Variants in KIAA1217 observed in about 807,000 individuals in gnomAD.
KIAA1217 encodes KIAA1217.
A neutral mutation model predicts 163.9 loss-of-function variants in KIAA1217; 88 were observed. That is an observed-to-expected ratio of 0.54 (90% CI 0.45 to 0.64). The LOEUF (loss-of-function observed/expected upper bound fraction) is 0.64. Ranked by LOEUF, KIAA1217 falls within the 30% of genes least tolerant of loss-of-function variation. The probability of loss-of-function intolerance (pLI) is 0.00; values close to 1 mark genes in which losing one functional copy is unlikely to be tolerated. For missense variants in KIAA1217, 2,372 were observed against 2,475.0 expected (o/e 0.96, Z 0.88); for synonymous variants, 903 against 923.1 (o/e 0.98, Z 0.39).
At chr10:23,824,658 A>AAAATATATAT (rs1837805755) in intron 1 of KIAA1217, among the ~76,000 whole-genome samples, 2 of 53,040 alleles carry the variant, frequency 3.8e-5, no homozygotes, top group Non-Finnish European at 7.1e-5. Flanking sequence ...AAATAAAAAA[A>AAAATATATAT]ATATATATAT....
In KIAA1217 at chr10:24,209,252, G is replaced by C. The variant is rs2067761081; in HGVS notation, c.59G>C (p.Arg20Thr). 2 of 1,613,144 alleles carry C rather than the reference G, an allele frequency of 1.2e-6. No homozygotes were observed. The highest frequency in any genetic ancestry group is 2.2e-5 in the South Asian group (2 of 91,062). ...TGCCTTCCTTACTCAGCAGACAGAAGACAGATGCAGGGTAAGTAACAGACC... is the reference window on the plus strand; with the variant it reads ...TGCCTTCCTTACTCAGCAGACAGAACACAGATGCAGGGTAAGTAACAGACC... Reference protein sequence around the residue: ...EPCLPYSADRRQMQEQGKGNL... With the variant: ...EPCLPYSADRTQMQEQGKGNL... Residue 20 changes from arginine (R) to threonine (T), a missense_variant, in exon 1 of 21, where the codon AGA becomes ACA. By Grantham distance (71) the Arg-to-Thr change is moderately conservative. Around this residue, in one of 3 missense-constraint regions of KIAA1217, gnomAD observed 1,431 missense variants for 1,470.3 expected, o/e 0.97. Transcript: ENST00000376454.
At chr10:23,775,523 C>T (rs771992812) in intron 1 of KIAA1217, among the ~76,000 whole-genome samples, 1 of 152,138 alleles carries the variant, frequency 6.6e-6, no homozygotes, top group Non-Finnish European at 1.5e-5. Flanking sequence ...GAGGTCAGGG[C>T]TGTGCCTGGA....
chr10:23,810,259 A>G lies in KIAA1217; in HGVS notation c.-321+115025A>G, dbSNP rs185686276. 5.5e-4 allele frequency among the ~76,000 whole-genome samples: 82 copies of G among 150,112 alleles called. 1 individual carries two copies. Among genetic ancestry groups the G allele is most frequent in the Middle Eastern group, 7.1e-3 (2 of 282 alleles). The stretch of plus-strand genomic sequence containing the variant: ...CTACCTACCTACCCTCTTTCTGACT[A>G]CCTACCTGTCTATCTGTATATATAT... On this transcript the variant is annotated intron_variant, in intron 1 of 18. Transcript: ENST00000376462.
intron 1 of KIAA1217, among the ~76,000 whole-genome samples, chr10:23,921,572 A>G (rs915554104): frequency 3.3e-5 from 5 of 152,144 alleles, no homozygotes; most frequent in African/African-American, 1.2e-4. Context: ...TGAGAATCCA[A>G]TCAGTAGAAG....
At chr10:24,456,632 C>T (rs180893357) in intron 5 of KIAA1217, among the ~76,000 whole-genome samples, 4 of 152,048 alleles carry the variant, frequency 2.6e-5, no homozygotes, top group African/African-American at 4.8e-5. Flanking sequence ...ATCCAGTGCT[C>T]GATCCACCAC....
At chr10:24,147,832 C>CAAAAAAAAAAAAAAAAAAAAAAAAAA (rs1176106711) in intron 2 of KIAA1217, among the ~76,000 whole-genome samples, 22 of 20,774 alleles carry the variant, frequency 1.1e-3, no homozygotes, top group Non-Finnish European at 1.4e-3. Flanking sequence ...TACTCTGTCT[C>CAAAAAAAAAAAAAAAAAAAAAAAAAA]AAAAAAAAAA....
At chr10:24,282,185 T>C (rs1010666409) in intron 2 of KIAA1217, among the ~76,000 whole-genome samples, 1 of 144,392 alleles carries the variant, frequency 6.9e-6, no homozygotes, top group Admixed American at 7.2e-5. Flanking sequence ...CTGGGCAACA[T>C]AGAGACCTCA....
chr10:24,352,100 T>C (rs1414463640), intron 2 of KIAA1217, among the ~76,000 whole-genome samples: 1 of 152,258 alleles, frequency 6.6e-6, no homozygotes, highest in Non-Finnish European at 1.5e-5. Context: ...GTGGCACTCT[T>C]CACACCCAAG....
chr10:24,324,232 C>T (rs905045032), intron 2 of KIAA1217, among the ~76,000 whole-genome samples: 1 of 152,004 alleles, frequency 6.6e-6, no homozygotes, highest in Non-Finnish European at 1.5e-5. Flanking sequence ...CACACCACTG[C>T]ACTCCAGCCT....
rs566139145 is a variant in KIAA1217 at position 24,546,966 on chromosome 10, A to T, written c.*642A>T. On this transcript the variant is annotated 3_prime_UTR_variant, in exon 21 of 21. Transcript: ENST00000376454. ...GTGTAGAAGGCAATTTATCAAACCT[A>T]TTGCACTGCCATGAAAAGTGTGTAT... 6.6e-6 allele frequency: 1 copy of T among 152,096 alleles called. No individual in the cohort carries two copies. The highest frequency in any genetic ancestry group is 6.6e-5 in the Admixed American group (1 of 15,202). The allele number at this position is 152,096 out of a possible 1,614,324, so 9.4% of individuals were successfully genotyped here.
intron 1 of KIAA1217, among the ~76,000 whole-genome samples, chr10:23,991,762 A>G (rs1458109756): frequency 6.6e-6 from 1 of 152,184 alleles, no homozygotes; most frequent in African/African-American, 2.4e-5. Context: ...AGGGAAGGCG[A>G]TAACATGCAC....
chr10:24,120,125 G>C (rs1436835220), intron 2 of KIAA1217, among the ~76,000 whole-genome samples: 1 of 152,150 alleles, frequency 6.6e-6, no homozygotes, highest in African/African-American at 2.4e-5. Flanking sequence ...TAGCCCTTCA[G>C]TTAAAGATCA....
rs981895293 is a variant in KIAA1217, at chr10:23,945,086, A to G, written c.-320-62139A>G. Among the ~76,000 whole-genome samples, 13 of 151,562 alleles carry G rather than the reference A, an allele frequency of 8.6e-5. No homozygotes were observed. In the East Asian group the frequency reaches 2.5e-3, roughly 29 times the overall value. ...AAAAAAAAAAAAAAAGGGTTTTAACATACATCTATCATCCAGTAAATCCAC... is the reference window on the plus strand; with the variant it reads ...AAAAAAAAAAAAAAAGGGTTTTAACGTACATCTATCATCCAGTAAATCCAC... On this transcript the variant is annotated intron_variant, in intron 1 of 18. Transcript: ENST00000376462.
At chr10:23,924,880 GA>G (rs59958755) in intron 1 of KIAA1217, among the ~76,000 whole-genome samples, 33,416 of 149,548 alleles carry the variant, frequency 0.22, 7,709 homozygotes, top group African/African-American at 0.59. Context: ...AGCTGTTATG[GA>G]AAAAAAAATA....
At chr10:24,140,359 C>CA (rs1260294070) in intron 2 of KIAA1217, among the ~76,000 whole-genome samples, 1,754 of 94,128 alleles carry the variant, frequency 0.019, 13 homozygotes, top group South Asian at 0.081. Context: ...GACTCTGTCT[C>CA]AAAAAAAAAA....
chr10:24,168,024 T>A (rs11013926), intron 2 of KIAA1217, among the ~76,000 whole-genome samples: 3,201 of 152,092 alleles, frequency 0.021, 38 homozygotes, highest in Middle Eastern at 0.058. Flanking sequence ...ACCCAACAGT[T>A]TTGCACTGGG....
At chr10:23,945,190 A>G (rs1335830975) in intron 1 of KIAA1217, among the ~76,000 whole-genome samples, 5 of 152,144 alleles carry the variant, frequency 3.3e-5, no homozygotes, top group Non-Finnish European at 5.9e-5. Context: ...AAGAATGCTC[A>G]TAGTAGCTTT....
chr10:23,740,020 T>A (rs943420365), intron 1 of KIAA1217, among the ~76,000 whole-genome samples: 4 of 143,740 alleles, frequency 2.8e-5, no homozygotes, highest in Non-Finnish European at 4.5e-5. Flanking sequence ...AGATGAGATT[T>A]GGTGAAGATG....
intron 2 of KIAA1217, among the ~76,000 whole-genome samples, chr10:24,333,240 G>C (rs1462489208): frequency 1.3e-5 from 2 of 152,088 alleles, no homozygotes; most frequent in African/African-American, 4.8e-5. Context: ...GGACAGGCTG[G>C]TCTTGAACTC....
Sources: allele counts gnomAD v4.1 joint callset (sites outside exome capture counted in the v4.1 genomes callset), GRCh38; gene constraint gnomAD v4.1.1; regional missense constraint gnomAD v4.1.1; transcripts MANE v1.5; gene names NCBI Gene and HGNC (gene_info 2026-07-23, HGNC 2026-07-21).